FAM107B: variants seen among roughly 807,000 people sequenced by gnomAD.
FAM107B encodes the protein protein FAM107B.
Under a neutral mutation model 31.5 loss-of-function variants are expected in FAM107B, and 21 were observed. The observed-to-expected ratio is 0.67, with a 90% CI of 0.47 to 0.96. The LOEUF is 0.96. Among genes scored for constraint, FAM107B ranks in the 40% least tolerant of loss-of-function variants. FAM107B has a pLI of 0.00. For synonymous variants in FAM107B, 157 were observed against 141.5 expected (o/e 1.11, Z -0.78); for missense variants, 452 against 377.1 (o/e 1.20, Z -1.64).
intron 2 of FAM107B, among the ~76,000 whole-genome samples, chr10:14,607,318 T>C (rs1436777707): frequency 6.6e-6 from 1 of 152,222 alleles, no homozygotes; most frequent in Non-Finnish European, 1.5e-5. Context: ...ATATATTAAA[T>C]CTGCTCTTTT....
chr10:14,733,079 G>T (rs1321430368), intron 1 of FAM107B, among the ~76,000 whole-genome samples: 1 of 146,870 alleles, frequency 6.8e-6, no homozygotes, highest in Admixed American at 6.8e-5. Flanking sequence ...ATACAATGTA[G>T]TCTATAGAAT....
At chr10:14,691,143 C>A (rs1007180401) in intron 1 of FAM107B, among the ~76,000 whole-genome samples, 3 of 152,090 alleles carry the variant, frequency 2.0e-5, no homozygotes, top group African/African-American at 7.2e-5. Flanking sequence ...TCAAGTGATC[C>A]TCTCACCTCA....
At chr10:14,575,655 C>A (rs1480927295) in intron 2 of FAM107B, among the ~76,000 whole-genome samples, 3 of 152,204 alleles carry the variant, frequency 2.0e-5, no homozygotes, top group African/African-American at 7.2e-5. Flanking sequence ...CTTTAGGGTA[C>A]AGCTTCCAAA....
chr10:14,599,738 TCTATTTCCATAGAACATACACACTCAA>T (rs1353877348), intron 2 of FAM107B, among the ~76,000 whole-genome samples: 1 of 151,352 alleles, frequency 6.6e-6, no homozygotes, highest in Non-Finnish European at 1.5e-5. Flanking sequence ...AATAATGATT[TCTATTTCCATAGAACATACACACTCAA>T]CACAACTCCC....
At chr10:14,689,173 A>G (rs1326219362) in intron 1 of FAM107B, among the ~76,000 whole-genome samples, 1 of 151,962 alleles carries the variant, frequency 6.6e-6, no homozygotes, top group Non-Finnish European at 1.5e-5. Context: ...TGAGCTCAGG[A>G]GTTCGAGACC....
At chr10:14,593,939 T>TA (rs1852098617) in intron 2 of FAM107B, among the ~76,000 whole-genome samples, 1 of 152,238 alleles carries the variant, frequency 6.6e-6, no homozygotes, top group Admixed American at 6.5e-5. Flanking sequence ...ATAATACAAT[T>TA]AGATAAACAT....
intron 1 of FAM107B, among the ~76,000 whole-genome samples, chr10:14,755,350 T>C (rs566506339): frequency 3.3e-5 from 5 of 152,154 alleles, no homozygotes; most frequent in East Asian, 1.9e-4. Flanking sequence ...AAGACCAACC[T>C]GGCCAACATG....
At chr10:14,703,500 A>G (rs1052638282) in intron 1 of FAM107B, among the ~76,000 whole-genome samples, 3 of 151,504 alleles carry the variant, frequency 2.0e-5, no homozygotes, top group Non-Finnish European at 4.4e-5. Flanking sequence ...CACCCCTGCT[A>G]ATTTTTGTAT....
intron 2 of FAM107B, among the ~76,000 whole-genome samples, chr10:14,573,838 T>C (rs1434465761): frequency 6.6e-6 from 1 of 152,072 alleles, no homozygotes; most frequent in African/African-American, 2.4e-5. Flanking sequence ...CTATAAACAA[T>C]GCTGTTTGAC....
rs1186418600 is a variant in FAM107B at position 14,521,991 on chromosome 10, A to G, written c.682T>C (p.Leu228=). ...TTTCTTTTTTCCATCACCTTCTGCA[A>G]TTCTGGTTTGTTCTGAGGAGCAAGA... ...RGLAPQNKPE[L]QKVMEKRKRD... The change falls in exon 4 of 5, where the codon TTG becomes CTG. Residue 228 remains leucine (L), a synonymous_variant. Coordinates refer to ENST00000181796, the MANE Select transcript of FAM107B (RefSeq NM_031453.4). The G allele has an allele frequency of 6.2e-6, 10 of 1,613,820 alleles. No homozygotes were observed. Among genetic ancestry groups the G allele is most frequent in the African/African-American group, 1.3e-5 (1 of 74,862 alleles).
chr10:14,681,736 A>G (rs139831535), intron 1 of FAM107B, among the ~76,000 whole-genome samples: 1 of 152,292 alleles, frequency 6.6e-6, no homozygotes, highest in East Asian at 1.9e-4. Flanking sequence ...CTTAATGTAA[A>G]GAAGGCTGTG....
chr10:14,643,690 G>A (rs1853685226), intron 2 of FAM107B, among the ~76,000 whole-genome samples: 1 of 152,056 alleles, frequency 6.6e-6, no homozygotes, highest in South Asian at 2.1e-4. Context: ...GATTACAGGC[G>A]TGAGCCACTG....
chr10:14,557,151 C>T (rs1380367236), intron 2 of FAM107B, among the ~76,000 whole-genome samples: 1 of 152,214 alleles, frequency 6.6e-6, no homozygotes, highest in East Asian at 1.9e-4. Flanking sequence ...CCTCCGTGGT[C>T]AGTCTCTGTC....
intron 2 of FAM107B, among the ~76,000 whole-genome samples, chr10:14,612,832 T>C (rs1852757978): frequency 1.3e-5 from 2 of 152,012 alleles, no homozygotes; most frequent in African/African-American, 4.8e-5. Flanking sequence ...GACATAACTG[T>C]AGATACCCCA....
chr10:14,613,601 A>G (rs549861866), intron 2 of FAM107B, among the ~76,000 whole-genome samples: 1 of 152,108 alleles, frequency 6.6e-6, no homozygotes, highest in Non-Finnish European at 1.5e-5. Flanking sequence ...TTTCTCTGTC[A>G]TTTCTCTCAA....
intron 1 of FAM107B, among the ~76,000 whole-genome samples, chr10:14,762,992 G>GTGGCTCATGCCTATAATCCCAGCACTT: frequency 6.6e-6 from 1 of 152,244 alleles, no homozygotes; most frequent in East Asian, 1.9e-4. Context: ...GCCAGGCTTG[G>GTGGCTCATGCCTATAATCCCAGCACTT]TGGCTCATGC....
intron 2 of FAM107B, among the ~76,000 whole-genome samples, chr10:14,540,914 T>C (rs1462779873): frequency 6.6e-6 from 1 of 152,200 alleles, no homozygotes; most frequent in Non-Finnish European, 1.5e-5. Flanking sequence ...GGGCCTACAC[T>C]GTAGCAGAAG....
intron 2 of FAM107B, among the ~76,000 whole-genome samples, chr10:14,592,862 A>T (rs771323989): frequency 2.6e-5 from 4 of 152,212 alleles, no homozygotes; most frequent in Non-Finnish European, 5.9e-5. Context: ...TCCCTTGGCA[A>T]CGGAAGATAA....
chr10:14,623,135 C>T (rs1468194035), intron 2 of FAM107B, among the ~76,000 whole-genome samples: 1 of 152,194 alleles, frequency 6.6e-6, no homozygotes, highest in African/African-American at 2.4e-5. Flanking sequence ...TTATCACAAC[C>T]CTCTTTCTTT....
Sources: gnomAD v4.1 joint callset for allele counts (sites outside exome capture counted in the v4.1 genomes callset) on GRCh38, gnomAD v4.1.1 for gene constraint, MANE v1.5 for transcripts, NCBI Gene and HGNC (gene_info 2026-07-23, HGNC 2026-07-21) for gene names.